Variants in AHCYL2 observed in about 807,000 individuals in gnomAD.
AHCYL2 encodes adenosylhomocysteinase like 2, also known as S-adenosylhomocysteine hydrolase-like protein 2.
In AHCYL2, 28 loss-of-function variants were observed where a neutral mutation model predicts 81.4. The observed-to-expected ratio is 0.34, with a 90% CI of 0.25 to 0.47. The LOEUF (loss-of-function observed/expected upper bound fraction) is 0.47. Ranked by LOEUF, AHCYL2 falls within the 20% of genes least tolerant of loss-of-function variation. The probability of loss-of-function intolerance (pLI) is 1.00; values close to 1 mark genes in which losing one functional copy is unlikely to be tolerated. For synonymous variants in AHCYL2, 272 were observed against 290.2 expected (o/e 0.94, Z 0.64); for missense variants, 551 against 785.1 (o/e 0.70, Z 3.56).
chr7:129,292,493 A>G (rs2150752401), intron 1 of AHCYL2, among the ~76,000 whole-genome samples: 1 of 152,312 alleles, frequency 6.6e-6, no homozygotes, highest in Admixed American at 6.5e-5. Flanking sequence ...AAGGCTGGGC[A>G]CGGTGGCTCA....
Position 129,368,316 on chromosome 7 carries a change from G to A in AHCYL2, c.364-11322G>A, listed in dbSNP as rs2150853598. On this transcript the variant is annotated intron_variant, in intron 1 of 16. Transcript: ENST00000325006. The surrounding 1 kb of genome is among the most constrained non-coding windows in gnomAD (Gnocchi z 4.4). ...GCCAGTAAGGGGTTGTCAGGCAGTTGACTAATGCTCTTGATTTGAATCGGA... is the reference window on the plus strand; with the variant it reads ...GCCAGTAAGGGGTTGTCAGGCAGTTAACTAATGCTCTTGATTTGAATCGGA... 2 of 1,443,522 alleles carry A rather than the reference G, an allele frequency of 1.4e-6. No individual in the cohort carries two copies. The highest frequency in any genetic ancestry group is 2.8e-5 in the Admixed American group (1 of 35,312). The allele number at this position is 1,443,522 out of a possible 1,614,324, so 89.4% of individuals were successfully genotyped here.
In AHCYL2 at chr7:129,361,369, C is replaced by T. The variant is rs113459871; in HGVS notation, c.364-18269C>T. Among the ~76,000 whole-genome samples the T allele has an allele frequency of 7.0e-3, 1,061 of 152,278 alleles. 14 individuals carry two copies. The highest frequency in any genetic ancestry group is 0.025 in the African/African-American group (1,021 of 41,552). On this transcript the variant is annotated intron_variant, in intron 1 of 16. Transcript: ENST00000325006. ...CAATACACATAATTGGTGCCCTTGC[C>T]ATATACTCCCATGTACTTATATTAT...
intron 1 of AHCYL2, among the ~76,000 whole-genome samples, chr7:129,361,338 C>T (rs1343264856): frequency 1.3e-5 from 2 of 152,172 alleles, no homozygotes; most frequent in African/African-American, 2.4e-5. Context: ...TCTCTTGCCA[C>T]GGCCCCAATA....
At chr7:129,423,119 T>C (rs958552583) in intron 13 of AHCYL2, among the ~76,000 whole-genome samples, 181 bp downstream of exon 13, 4 of 152,250 alleles carry the variant, frequency 2.6e-5, no homozygotes, top group Non-Finnish European at 5.9e-5. Context: ...TAAGAAACTA[T>C]TTTGGTTCCC....
chr7:129,309,047 C>T (rs532358835), intron 1 of AHCYL2, among the ~76,000 whole-genome samples: 77 of 150,992 alleles, frequency 5.1e-4, no homozygotes, highest in African/African-American at 1.6e-3. Flanking sequence ...GCCTGGCCAA[C>T]ATGGTGAAAC....
At chr7:129,249,501 C>T (rs1395262983) in intron 1 of AHCYL2, among the ~76,000 whole-genome samples, 1 of 152,108 alleles carries the variant, frequency 6.6e-6, no homozygotes, top group Non-Finnish European at 1.5e-5. Flanking sequence ...TCTCGGCTCA[C>T]TGCAAGCTCC....
intron 1 of AHCYL2, among the ~76,000 whole-genome samples, chr7:129,300,375 A>T (rs1273892075): frequency 6.6e-6 from 1 of 152,166 alleles, no homozygotes; most frequent in Non-Finnish European, 1.5e-5. Flanking sequence ...ATCTCCCAGA[A>T]ATAGGTGAGA....
At chr7:129,332,151 A>C (rs570063192) in intron 1 of AHCYL2, among the ~76,000 whole-genome samples, 1 of 152,204 alleles carries the variant, frequency 6.6e-6, no homozygotes, top group Non-Finnish European at 1.5e-5. Context: ...TTATTCTAAA[A>C]TGTCAGCAGT....
At chr7:129,294,636 C>A (rs957568512) in intron 1 of AHCYL2, among the ~76,000 whole-genome samples, 8 of 152,176 alleles carry the variant, frequency 5.3e-5, no homozygotes, top group African/African-American at 1.9e-4. Context: ...CCATGTTAAT[C>A]TATATCCACC....
At chr7:129,293,465 C>G (rs1006949896) in intron 1 of AHCYL2, among the ~76,000 whole-genome samples, 3 of 151,838 alleles carry the variant, frequency 2.0e-5, no homozygotes, top group Non-Finnish European at 4.4e-5. Context: ...CACTTGAGCC[C>G]AGGAGTTTGA....
intron 6 of AHCYL2, among the ~76,000 whole-genome samples, chr7:129,401,047 G>A (rs1434618319): frequency 6.6e-6 from 1 of 152,134 alleles, no homozygotes; most frequent in Non-Finnish European, 1.5e-5. Flanking sequence ...GCTACACAAA[G>A]GGCCAGGTGT....
chr7:129,235,094 T>C (rs1311194387), intron 1 of AHCYL2, among the ~76,000 whole-genome samples: 1 of 152,196 alleles, frequency 6.6e-6, no homozygotes, highest in Non-Finnish European at 1.5e-5. Flanking sequence ...GTCCATTAGA[T>C]TGGGAAACAT....
chr7:129,313,278 A>C (rs1229800709), intron 1 of AHCYL2, among the ~76,000 whole-genome samples: 1 of 152,248 alleles, frequency 6.6e-6, no homozygotes, highest in African/African-American at 2.4e-5. Context: ...ATAAGGGATA[A>C]AATTGTCTTT....
At chr7:129,346,356 A>G (rs1446234061) in intron 1 of AHCYL2, among the ~76,000 whole-genome samples, 1 of 152,216 alleles carries the variant, frequency 6.6e-6, no homozygotes, top group African/African-American at 2.4e-5. Flanking sequence ...AAGACAAACC[A>G]CAGACGGAGA....
chr7:129,351,694 A>G (rs1044483486), intron 1 of AHCYL2: 2 of 152,168 alleles, frequency 1.3e-5, no homozygotes, highest in Non-Finnish European at 2.9e-5. Context: ...TTTCTCCACA[A>G]AGCTTTTGTT....
chr7:129,287,441 C>T (rs569551391), intron 1 of AHCYL2, among the ~76,000 whole-genome samples: 11 of 152,306 alleles, frequency 7.2e-5, no homozygotes, highest in Admixed American at 2.0e-4. Flanking sequence ...CATCCAGACT[C>T]CAGAATTGAA....
chr7:129,276,877 A>G (rs2150734815), intron 1 of AHCYL2, among the ~76,000 whole-genome samples: 1 of 152,304 alleles, frequency 6.6e-6, no homozygotes, highest in Non-Finnish European at 1.5e-5. Flanking sequence ...TACAGATACC[A>G]CTAAGATTGA....
intron 10 of AHCYL2, among the ~76,000 whole-genome samples, chr7:129,408,608 G>A (rs1308468973): frequency 6.6e-6 from 1 of 152,200 alleles, no homozygotes; most frequent in Admixed American, 6.5e-5. Context: ...GCTATCCAGT[G>A]GCTAATTTGA....
intron 1 of AHCYL2, among the ~76,000 whole-genome samples, chr7:129,295,468 C>T (rs1797021128): frequency 6.6e-6 from 1 of 152,118 alleles, no homozygotes; most frequent in Non-Finnish European, 1.5e-5. Context: ...AGCCTAGACT[C>T]TGAAAGCTGA....
Sources: gnomAD v4.1 joint callset for allele counts (sites outside exome capture counted in the v4.1 genomes callset) on GRCh38, gnomAD v4.1.1 for gene constraint, Gnocchi (gnomAD v3.1) non-coding constraint, MANE v1.5 for transcripts, NCBI Gene and HGNC (gene_info 2026-07-23, HGNC 2026-07-21) for gene names.